JPH2: variants seen among roughly 807,000 people sequenced by gnomAD.
JPH2 encodes junctophilin 2.
JPH2 carries 38 observed loss-of-function variants against 55.9 expected under a neutral mutation model. The ratio of observed to expected loss-of-function variants is 0.68; its 90% CI spans 0.52 to 0.89. The LOEUF (loss-of-function observed/expected upper bound fraction) is 0.89, where lower values mean the gene tolerates loss of function less well. Ranked by LOEUF, JPH2 falls within the 40% of genes least tolerant of loss-of-function variation. The pLI, the probability that JPH2 is intolerant of heterozygous loss-of-function variation, is 0.00. For synonymous variants in JPH2, 480 were observed against 472.4 expected (o/e 1.02, Z -0.21); for missense variants, 964 against 1,037.6 (o/e 0.93, Z 0.97).
chr20:44,134,138 A>AT (rs1569192970), intron 2 of JPH2, among the ~76,000 whole-genome samples: 1 of 8,544 alleles, frequency 1.2e-4, no homozygotes, highest in African/African-American at 5.5e-4. Context: ...ATAAATATAT[A>AT]AATAAATATT....
At chr20:44,158,293 T>C (rs2072579981) in intron 2 of JPH2, among the ~76,000 whole-genome samples, 2 of 152,070 alleles carry the variant, frequency 1.3e-5, no homozygotes, top group African/African-American at 4.8e-5. Flanking sequence ...AAAAGCTCTG[T>C]GGCAGGAGGA....
intron 1 of JPH2, among the ~76,000 whole-genome samples, chr20:44,175,745 G>A (rs6073359): frequency 0.27 from 41,067 of 152,152 alleles, 5,768 homozygotes; most frequent in Non-Finnish European, 0.3. Flanking sequence ...GCATCTCCTG[G>A]GTGCTGACAG....
chr20:44,132,293 G>A (rs1385942291), intron 2 of JPH2, among the ~76,000 whole-genome samples: 1 of 150,026 alleles, frequency 6.7e-6, no homozygotes, highest in African/African-American at 2.5e-5. Context: ...TGGAAAGATA[G>A]GTAAGAAACT....
intron 2 of JPH2, among the ~76,000 whole-genome samples, chr20:44,121,052 C>T (rs886304023): frequency 8.2e-6 from 1 of 121,406 alleles, no homozygotes; most frequent in African/African-American, 3.3e-5. Context: ...GTGAAATATG[C>T]CGTGAAGGAG....
chr20:44,112,639 G>A lies in JPH2; in HGVS notation c.*879C>T, dbSNP rs1185144777. 1 of 152,170 alleles carries A rather than the reference G, an allele frequency of 6.6e-6. No individual in the cohort carries two copies. Among genetic ancestry groups the A allele is most frequent in the East Asian group, 1.9e-4 (1 of 5,160 alleles). The allele number at this position is 152,170 out of a possible 1,614,324, so 9.4% of individuals were successfully genotyped here. ...GGGGAGGAGACAAGCCATTTCACAG[G>A]GCATCACAGGAGATTTCTCGCCGGC... On this transcript the variant is annotated 3_prime_UTR_variant, in exon 6 of 6. Transcript: ENST00000372980.
Position 44,112,292 on chromosome 20 carries a change from A to T in JPH2, c.*1226T>A, listed in dbSNP as rs1170825713. On this transcript the variant is annotated 3_prime_UTR_variant, in exon 6 of 6. Transcript: ENST00000372980. The stretch of plus-strand genomic sequence containing the variant: ...AGGGGCCTGGAAGCCCTTTCTCTCC[A>T]TTCTCCTGGAGGCAGGAAACCATAG... The T allele has an allele frequency of 6.6e-6, 1 of 152,226 alleles. No homozygotes were observed. The highest frequency in any genetic ancestry group is 1.5e-5 in the Non-Finnish European group (1 of 68,098). 9.4% of individuals were successfully genotyped at this position (152,226 alleles called of 1,614,324 possible).
At chr20:44,165,429 G>T (rs1197688724) in intron 1 of JPH2, among the ~76,000 whole-genome samples, 9 of 152,148 alleles carry the variant, frequency 5.9e-5, no homozygotes, top group Non-Finnish European at 4.4e-5. Context: ...AGTGGTCTGT[G>T]CCACCGTTCT....
chr20:44,121,426 C>T (rs754023442), intron 2 of JPH2, among the ~76,000 whole-genome samples: 13 of 152,248 alleles, frequency 8.5e-5, no homozygotes, highest in South Asian at 2.1e-4. Flanking sequence ...TAAGCTTCTA[C>T]TAGGCACCAG....
intron 2 of JPH2, 136 bp from the exon 3 acceptor site, chr20:44,118,759 T>C: frequency 2.7e-6 from 2 of 744,844 alleles, no homozygotes; most frequent in South Asian, 3.0e-5. Context: ...TTATTGAGCC[T>C]CATGGCCCAG....
intron 2 of JPH2, among the ~76,000 whole-genome samples, chr20:44,122,286 T>C (rs1311247098): frequency 6.6e-6 from 1 of 151,878 alleles, no homozygotes; most frequent in Non-Finnish European, 1.5e-5. Context: ...TAGGGAAGAG[T>C]TAAGAGCACA....
At chr20:44,157,849 G>T (rs918200837) in intron 2 of JPH2, among the ~76,000 whole-genome samples, 1 of 151,086 alleles carries the variant, frequency 6.6e-6, no homozygotes, top group African/African-American at 2.5e-5. Context: ...TCCTCAGGAG[G>T]ATTGCTGCAG....
At chr20:44,186,112 A>T (rs951370064) in intron 1 of JPH2, among the ~76,000 whole-genome samples, 1 of 152,162 alleles carries the variant, frequency 6.6e-6, no homozygotes, top group Non-Finnish European at 1.5e-5. Context: ...AAGCACTGCC[A>T]CTAATCCTCT....
intron 1 of JPH2, among the ~76,000 whole-genome samples, chr20:44,164,675 CAAACAAA>C (rs2145883395): frequency 1.3e-4 from 1 of 7,976 alleles, no homozygotes; most frequent in African/African-American, 1.6e-3. Flanking sequence ...CCTCAAAAAA[CAAACAAA>C]CAAACAAACA....
chr20:44,134,083 A>AT lies in JPH2; in HGVS notation c.1170-15461dup, dbSNP rs2072354526. On this transcript the variant is annotated intron_variant, in intron 2 of 5. Transcript: ENST00000372980. ...ATTATAAATATATAAATATATATTT[A>AT]TTATAAATATATATTTATTATAAAT... is the stretch of plus-strand genomic sequence containing the variant. 9.9e-5 allele frequency among the ~76,000 whole-genome samples: 2 copies of AT among 20,212 alleles called. 1 individual carries two copies. Among genetic ancestry groups the AT allele is most frequent in the Non-Finnish European group, 1.5e-4 (2 of 13,004 alleles). The allele number at this position is 20,212 out of a possible 152,430, so 13.3% of individuals were successfully genotyped here. A position where few individuals can be genotyped will look rare whatever the true frequency, so the allele number is the denominator to read the frequency against.
intron 1 of JPH2, among the ~76,000 whole-genome samples, chr20:44,183,640 T>C (rs901441440): frequency 6.6e-6 from 1 of 152,188 alleles, no homozygotes; most frequent in African/African-American, 2.4e-5. Context: ...CCACACTTCC[T>C]GGCCACTGTC....
chr20:44,156,907 A>G (rs1233934253), intron 2 of JPH2, among the ~76,000 whole-genome samples: 1 of 152,246 alleles, frequency 6.6e-6, no homozygotes, highest in Non-Finnish European at 1.5e-5. Flanking sequence ...AACGGCTCAC[A>G]CACTTATAGC....
rs776644763 is a variant in JPH2 at position 44,186,743 on chromosome 20, G to A, written c.-38C>T. ...CCTGACAACCTCCCCGTCCTCCAGC[G>A]TGGGTGCAGAGGGCGTGGGTGATGC... On this transcript the variant is annotated 5_prime_UTR_variant, in exon 1 of 6. The change creates a new upstream start codon in the 5' untranslated region. Coordinates refer to ENST00000372980, the MANE Select transcript of JPH2 (RefSeq NM_020433.5). 8 of 1,592,780 alleles carry A rather than the reference G, an allele frequency of 5.0e-6. No homozygotes were observed. Among genetic ancestry groups the A allele is most frequent in the South Asian group, 1.1e-5 (1 of 90,916 alleles).
rs2072856390 is a variant in JPH2, at chr20:44,187,159, TCTC to T, written c.-457_-455del. 2 of 187,034 alleles carry T rather than the reference TCTC, an allele frequency of 1.1e-5. No individual in the cohort carries two copies. The highest frequency in any genetic ancestry group is 1.1e-4 in the South Asian group (1 of 9,288). The allele number at this position is 187,034 out of a possible 1,614,324, so 11.6% of individuals were successfully genotyped here. ...AATTCCCGCAGCCCGCTGGCCCCCT[TCTC>T]CACCCCAGTGGGTGTGCGGGGCTGT... is the stretch of plus-strand genomic sequence containing the variant. On this transcript the variant is annotated 5_prime_UTR_variant, in exon 1 of 6. Transcript: ENST00000372980.
At chr20:44,155,227 G>C (rs13042397) in intron 2 of JPH2, among the ~76,000 whole-genome samples, 4,025 of 152,240 alleles carry the variant, frequency 0.026, 67 homozygotes, top group Non-Finnish European at 0.039. Context: ...CACCCTATGA[G>C]GAAAGAGGAT....
Sources: allele counts gnomAD v4.1 joint callset (sites outside exome capture counted in the v4.1 genomes callset), GRCh38; gene constraint gnomAD v4.1.1; transcripts MANE v1.5; gene names NCBI Gene and HGNC (gene_info 2026-07-23, HGNC 2026-07-21).